Variants in UBR2 observed in about 807,000 individuals in gnomAD.
UBR2 encodes the protein ubiquitin protein ligase E3 component n-recognin 2.
A neutral mutation model predicts 247.9 loss-of-function variants in UBR2; 92 were observed. The ratio of observed to expected loss-of-function variants is 0.37; its 90% confidence interval spans 0.31 to 0.44. The LOEUF (loss-of-function observed/expected upper bound fraction) is 0.44, where lower values mean the gene tolerates loss of function less well. Ranked by LOEUF, UBR2 falls within the 20% of genes least tolerant of loss-of-function variation. The probability of loss-of-function intolerance (pLI) is 1.00; values close to 1 mark genes in which losing one functional copy is unlikely to be tolerated. For synonymous variants in UBR2, 672 were observed against 693.5 expected (o/e 0.97, Z 0.49); for missense variants, 1,613 against 2,112.6 (o/e 0.76, Z 4.64).
At chr6:42,603,835 C>A (rs1161165249) in intron 5 of UBR2, 117 bp downstream of exon 5, 3 of 1,063,974 alleles carry the variant, frequency 2.8e-6, no homozygotes, top group African/African-American at 3.4e-5. Flanking sequence ...ACAATAACCT[C>A]AATTTTATAG....
Position 42,650,309 on chromosome 6 carries a change from A to G in UBR2, c.2488A>G (p.Met830Val), listed in dbSNP as rs1277686837. The G allele has an allele frequency of 6.2e-7, 1 of 1,613,950 alleles. No individual in the cohort carries two copies. The highest frequency in any genetic ancestry group is 1.3e-5 in the African/African-American group (1 of 74,940). ...GAAACCTGGATTAACAGGACGAGGCATGTATGAACTGAAACCAGAATGTGC... is the reference window on the plus strand; with the variant it reads ...GAAACCTGGATTAACAGGACGAGGCGTGTATGAACTGAAACCAGAATGTGC... ...FKKPGLTGRG[M>V]YELKPECAKE... Residue 830 changes from methionine (M) to valine (V), a missense_variant, in exon 23 of 47, where the codon ATG becomes GTG. This residue lies in a region of UBR2 where 1,524 missense variants were observed against 1,967.3 expected (regional missense o/e 0.77). Coordinates refer to ENST00000372901, the MANE Select transcript of UBR2 (RefSeq NM_001363705.2).
At position 42,601,602 on chromosome 6, in the gene UBR2, C is replaced by T. The variant is rs1269287246; in HGVS notation, c.532-1986C>T. Among the ~76,000 whole-genome samples the T allele has an allele frequency of 4.7e-5, 7 of 149,920 alleles. No homozygotes were observed. The South Asian group carries it at 8.5e-4, about 18-fold the overall frequency. On this transcript the variant is annotated intron_variant, in intron 4 of 46. Transcript: ENST00000372901. ...ACTCAGGAGGCTGAGGCAGGAGAAT[C>T]GCTTGAACCCGGGAGGCGGACGTTA...
chr6:42,606,928 T>C (rs954772034), intron 7 of UBR2, among the ~76,000 whole-genome samples: 2 of 152,132 alleles, frequency 1.3e-5, no homozygotes, highest in Admixed American at 1.3e-4. Flanking sequence ...TTTTAATTAG[T>C]AGAATTTTGT....
chr6:42,582,099 T>C (rs1181672799), intron 2 of UBR2, among the ~76,000 whole-genome samples: 3 of 151,886 alleles, frequency 2.0e-5, no homozygotes, highest in African/African-American at 7.3e-5. Context: ...CTGGCTAACA[T>C]GGTGAAACCC....
At chr6:42,640,053 C>CT (rs1796333740) in intron 15 of UBR2, among the ~76,000 whole-genome samples, 156 bp from the exon 16 acceptor site, 3 of 152,076 alleles carry the variant, frequency 2.0e-5, no homozygotes, top group Admixed American at 2.0e-4. Flanking sequence ...TAATAAGCCT[C>CT]TTATGAATAT....
At chr6:42,674,001 T>C (rs1022339414) in intron 37 of UBR2, 114 bp downstream of exon 37, 2 of 1,292,980 alleles carry the variant, frequency 1.5e-6, no homozygotes, top group African/African-American at 1.5e-5. Flanking sequence ...CTGGTTTTCT[T>C]ATATATAAGC....
At chr6:42,607,804 T>G (rs577557185) in intron 7 of UBR2, among the ~76,000 whole-genome samples, 9 of 151,948 alleles carry the variant, frequency 5.9e-5, no homozygotes, top group Non-Finnish European at 1.2e-4. Flanking sequence ...TAATTTACTT[T>G]TTTCATTCTT....
Position 42,644,492 on chromosome 6 carries a change from A to T in UBR2, c.2240A>T (p.Asn747Ile). ...TTATAGGATGTTGTTCAGCAGAACA[A>T]TACTCTAATAGAAGAAATGCTATAC... ...ITHKDVVQQN[N>I]TLIEEMLYLI... The change falls in exon 20 of 47, where the codon AAT becomes ATT. Residue 747 changes from asparagine (N) to isoleucine (I), a missense_variant. By Grantham distance (149) the Asn-to-Ile change is moderately radical. Around this residue, in one of 3 missense-constraint regions of UBR2, gnomAD observed 1,524 missense variants for 1,967.3 expected, o/e 0.77. Transcript: ENST00000372901. 6.2e-7 allele frequency: 1 copy of T among 1,612,062 alleles called. No homozygotes were observed. Among genetic ancestry groups the T allele is most frequent in the South Asian group, 1.1e-5 (1 of 90,966 alleles).
chr6:42,646,820 T>TAGAGAGAG (rs765967046), intron 21 of UBR2, among the ~76,000 whole-genome samples: 1 of 146,576 alleles, frequency 6.8e-6, no homozygotes, highest in African/African-American at 2.6e-5. Context: ...TATATATATA[T>TAGAGAGAG]AGAGAGAGAG....
rs1192561468 is a variant in UBR2 at position 42,676,088 on chromosome 6, G to A, written c.4284G>A (p.Gln1428=). ...VGLVLAFPAL[Q]CQDFSGISLG... ...TGGTGCTTGCATTTCCTGCGTTGCA[G>A]TGTCAGGATTTTTCAGGGATCAGCC... Residue 1428 remains glutamine, a synonymous_variant, in exon 39 of 47, where the codon CAG becomes CAA. Transcript: ENST00000372901. The A allele has an allele frequency of 6.2e-7, 1 of 1,613,514 alleles. No individual in the cohort carries two copies. Among genetic ancestry groups the A allele is most frequent in the Non-Finnish European group, 8.5e-7 (1 of 1,179,894 alleles).
chr6:42,678,755 T>C (rs897971324), intron 41 of UBR2, 86 bp downstream of exon 41: 19 of 1,472,208 alleles, frequency 1.3e-5, no homozygotes, highest in South Asian at 6.8e-5. Flanking sequence ...AAAATGAAAA[T>C]TGACTAAAAG....
intron 11 of UBR2, chr6:42,620,481 G>GTTTTTTTGT (rs1794904950): frequency 3.0e-5 from 2 of 66,620 alleles, no homozygotes; most frequent in South Asian, 4.6e-4. Flanking sequence ...ATTAAGTGTT[G>GTTTTTTTGT]TTTTTTTTTT....
At position 42,605,770 on chromosome 6, in the gene UBR2, A is replaced by G; in HGVS notation, c.712A>G (p.Thr238Ala). The change falls in exon 6 of 47, where the codon ACC (threonine) becomes GCC (alanine). Residue 238 changes from threonine (T) to alanine (A), a missense_variant. Physicochemically the swap from Thr to Ala is moderately conservative, Grantham distance 58. Coordinates refer to ENST00000372901, the MANE Select transcript of UBR2 (RefSeq NM_001363705.2). ...YCMLFNDEVH[T>A]YEQVIYTLQK... ...CATGCTGTTTAATGATGAGGTTCAC[A>G]CCTATGAACAAGTTATTTATACTCT... The G allele has an allele frequency of 6.2e-7, 1 of 1,612,954 alleles. No individual in the cohort carries two copies.
chr6:42,592,652 A>G (rs369011738), intron 3 of UBR2, among the ~76,000 whole-genome samples: 95 of 152,316 alleles, frequency 6.2e-4, no homozygotes, highest in African/African-American at 2.1e-3. Flanking sequence ...ACACAGATAA[A>G]TACAGATTAT....
chr6:42,673,883 T>C lies in UBR2; in HGVS notation c.4179T>C (p.Phe1393=). 6.2e-7 allele frequency: 1 copy of C among 1,610,808 alleles called. No individual in the cohort carries two copies. The highest frequency in any genetic ancestry group is 8.5e-7 in the Non-Finnish European group (1 of 1,177,654). ...SVVQGHFCKL[F]ASLVPNDSHE... ...TGCAAGGACATTTTTGTAAACTTTT[T>C]GCATGTGAGTATTAATACATTTATA... is the stretch of plus-strand genomic sequence containing the variant. The change falls in exon 37 of 47, where the codon TTT becomes TTC. Residue 1393 remains phenylalanine (F), a synonymous_variant. Coordinates refer to ENST00000372901, the MANE Select transcript of UBR2 (RefSeq NM_001363705.2).
intron 5 of UBR2, 73 bp downstream of exon 5, chr6:42,603,791 C>A: frequency 7.1e-7 from 1 of 1,411,516 alleles, no homozygotes; most frequent in South Asian, 1.4e-5. Context: ...TAGTATAGGG[C>A]ATAATCATTT....
At chr6:42,665,726 C>G (rs1014335586) in intron 33 of UBR2, among the ~76,000 whole-genome samples, 1 of 151,906 alleles carries the variant, frequency 6.6e-6, no homozygotes, top group Non-Finnish European at 1.5e-5. Flanking sequence ...AAACACTTCT[C>G]ACTTATTCCC....
chr6:42,679,894 T>C lies in UBR2; in HGVS notation c.4718+62T>C, dbSNP rs1798932536. ...GCTCTATGGAACCAAACTTTAGTTA[T>C]CACATATGTAGCAAAATTCTCAAGT... On this transcript the variant is annotated intron_variant, in intron 42 of 46. Transcript: ENST00000372901. The C allele has an allele frequency of 6.7e-6, 8 of 1,196,698 alleles. 1 individual carries two copies. In the South Asian group the frequency reaches 1.1e-4, roughly 17 times the overall value. 74.1% of individuals were successfully genotyped at this position (1,196,698 alleles called of 1,614,324 possible).
chr6:42,592,155 T>G lies in UBR2; in HGVS notation c.343T>G (p.Cys115Gly), dbSNP rs1056619457. 3 of 1,603,506 alleles carry G rather than the reference T, an allele frequency of 1.9e-6. No homozygotes were observed. Among genetic ancestry groups the G allele is most frequent in the Non-Finnish European group, 2.5e-6 (3 of 1,177,012 alleles). Residue 115 changes from cysteine to glycine, a missense_variant, in exon 3 of 47, where the codon TGT (cysteine) becomes GGT (glycine). Cys to Gly is a radical substitution (Grantham distance 159). Transcript: ENST00000372901. ...TTTTTTTTTTTAACTTTACAGAGAC[T>G]GTGCAGTTGATCCAACTTGTGTTTT... The part of the protein sequence containing the change: ...VGEPTYSCRD[C>G]AVDPTCVLCM...
Sources: allele counts gnomAD v4.1 joint callset (sites outside exome capture counted in the v4.1 genomes callset), GRCh38; gene constraint gnomAD v4.1.1; regional missense constraint gnomAD v4.1.1; transcripts MANE v1.5; gene names NCBI Gene and HGNC (gene_info 2026-07-23, HGNC 2026-07-21).